MAGI2: variants seen among roughly 807,000 people sequenced by gnomAD.
The protein encoded by MAGI2 is membrane associated guanylate kinase, WW and PDZ domain containing 2, also known as membrane-associated guanylate kinase, WW and PDZ domain-containing protein 2.
MAGI2 carries 35 observed loss-of-function variants against 133.3 expected under a neutral mutation model. The observed-to-expected ratio is 0.26, with a 90% CI of 0.20 to 0.35. MAGI2 has a LOEUF of 0.35. MAGI2 is among the 10% of genes least tolerant of loss of function. The probability of loss-of-function intolerance (pLI) is 1.00; values close to 1 mark genes in which losing one functional copy is unlikely to be tolerated. For synonymous variants in MAGI2, 729 were observed against 710.6 expected, an observed-to-expected ratio of 1.03 and a Z score of -0.41; for missense variants, 1,636 against 1,863.4, an observed-to-expected ratio of 0.88 and a Z score of 2.25.
chr7:78,553,492 G>A (rs866464430), intron 3 of MAGI2, among the ~76,000 whole-genome samples: 22 of 152,214 alleles, frequency 1.4e-4, no homozygotes, highest in African/African-American at 5.1e-4. Context: ...TGTTACTGGT[G>A]AAGGAAGACT....
rs767332496 is a variant in MAGI2 at position 79,399,095 on chromosome 7, C to CTTTTTTTTTTTT, written c.301+53913_301+53924dup. ...GTATTATTTCTTTTTTTTTTCTTTT[C>CTTTTTTTTTTTT]TTTTTTTTTTTTTTTGGGAGATGGA... On this transcript the variant is annotated intron_variant, in intron 1 of 21. Coordinates refer to ENST00000354212, the MANE Select transcript of MAGI2 (RefSeq NM_012301.4). Among the ~76,000 whole-genome samples the CTTTTTTTTTTTT allele has an allele frequency of 2.5e-4, 27 of 106,266 alleles. 1 individual carries two copies. The highest frequency in any genetic ancestry group is 7.1e-4 in the South Asian group (2 of 2,822). The allele number at this position is 106,266 out of a possible 152,430, so 69.7% of individuals were successfully genotyped here. A position where few individuals can be genotyped will look rare whatever the true frequency, so the allele number is the denominator to read the frequency against.
chr7:79,313,093 C>G (rs1488071286), intron 1 of MAGI2, among the ~76,000 whole-genome samples: 3 of 152,066 alleles, frequency 2.0e-5, no homozygotes, highest in African/African-American at 7.2e-5. Context: ...TTCCCTCTCC[C>G]TACTTTAAAG....
intron 1 of MAGI2, among the ~76,000 whole-genome samples, chr7:79,269,535 T>C (rs1834721741): frequency 6.6e-6 from 1 of 152,168 alleles, no homozygotes; most frequent in African/African-American, 2.4e-5. Flanking sequence ...GCTTATCACC[T>C]TTTCAAAATA....
intron 6 of MAGI2, among the ~76,000 whole-genome samples, chr7:78,437,475 T>C (rs1295994611): frequency 1.3e-5 from 2 of 152,192 alleles, no homozygotes; most frequent in Non-Finnish European, 2.9e-5. Flanking sequence ...CAGAAAAGAC[T>C]CAGTTTGAAA....
intron 9 of MAGI2, among the ~76,000 whole-genome samples, chr7:78,311,674 A>T (rs1798715988): frequency 6.6e-6 from 1 of 152,170 alleles, no homozygotes; most frequent in Admixed American, 6.5e-5. Context: ...CAATAGAGAT[A>T]AAATATCTTT....
intron 1 of MAGI2, among the ~76,000 whole-genome samples, chr7:79,221,740 T>C (rs1585240519): frequency 6.6e-6 from 1 of 152,026 alleles, no homozygotes; most frequent in Non-Finnish European, 1.5e-5. Flanking sequence ...AATAGGTATG[T>C]TATGAAAACT....
chr7:78,513,877 T>G (rs900888098), intron 4 of MAGI2, among the ~76,000 whole-genome samples: 19 of 151,700 alleles, frequency 1.3e-4, no homozygotes, highest in Admixed American at 6.6e-4. Context: ...TCAGCTGAGG[T>G]CAGGAGTTGG....
chr7:79,280,877 A>G (rs1694981680), intron 1 of MAGI2, among the ~76,000 whole-genome samples: 1 of 137,950 alleles, frequency 7.2e-6, no homozygotes, highest in Admixed American at 7.8e-5. Context: ...GTGAGCTATG[A>G]TCATGCCACC....
At position 78,195,188 on chromosome 7, in the gene MAGI2, C is replaced by T. The variant is rs149002732; in HGVS notation, c.2080-125G>A. On this transcript the variant is annotated intron_variant, in intron 11 of 21. Transcript: ENST00000354212. The stretch of plus-strand genomic sequence containing the variant: ...TTCCAGGGGATGGGTAAAACTTTGG[C>T]ATAAATTCCTTGAAAGAAAAGATTT... 16 of 668,598 alleles carry T rather than the reference C, an allele frequency of 2.4e-5. No homozygotes were observed. In the East Asian group the frequency reaches 4.8e-4, roughly 20 times the overall value. The allele number at this position is 668,598 out of a possible 1,614,324, so 41.4% of individuals were successfully genotyped here.
intron 1 of MAGI2, among the ~76,000 whole-genome samples, chr7:79,129,020 A>G (rs1820679589): frequency 6.6e-6 from 1 of 151,936 alleles, no homozygotes; most frequent in African/African-American, 2.4e-5. Context: ...ACAGGCAGGC[A>G]CCACCACGCT....
intron 1 of MAGI2, among the ~76,000 whole-genome samples, chr7:79,246,023 C>T (rs77469563): frequency 0.037 from 5,613 of 152,258 alleles, 161 homozygotes; most frequent in African/African-American, 0.072. Flanking sequence ...TCCAAGACCA[C>T]CAGGGCAGTA....
chr7:78,957,544 A>G (rs1433171960), intron 2 of MAGI2, among the ~76,000 whole-genome samples: 1 of 152,164 alleles, frequency 6.6e-6, no homozygotes, highest in East Asian at 1.9e-4. Context: ...CATACATAAA[A>G]TGACAGTTAT....
chr7:78,597,264 A>G (rs1804706185), intron 3 of MAGI2, among the ~76,000 whole-genome samples: 1 of 152,072 alleles, frequency 6.6e-6, no homozygotes, highest in Non-Finnish European at 1.5e-5. Context: ...AATTTGAGAA[A>G]TGCCTATTTA....
chr7:79,019,698 C>T (rs974389048), intron 1 of MAGI2, among the ~76,000 whole-genome samples: 9 of 152,068 alleles, frequency 5.9e-5, no homozygotes, highest in African/African-American at 2.2e-4. Context: ...GTGTGAACTA[C>T]TATGCCTGGC....
intron 3 of MAGI2, among the ~76,000 whole-genome samples, chr7:78,609,016 A>C (rs1178576031): frequency 6.6e-6 from 1 of 152,180 alleles, no homozygotes; most frequent in African/African-American, 2.4e-5. Context: ...CTTGGAGTCC[A>C]ATGTTTGAGG....
At chr7:79,336,691 G>GTA (rs1840460758) in intron 1 of MAGI2, among the ~76,000 whole-genome samples, 1 of 152,004 alleles carries the variant, frequency 6.6e-6, no homozygotes, top group Non-Finnish European at 1.5e-5. Context: ...GCCTGTAAGT[G>GTA]AGATTATATA....
chr7:79,138,946 A>C (rs1204188376), intron 1 of MAGI2, among the ~76,000 whole-genome samples: 1 of 143,954 alleles, frequency 6.9e-6, no homozygotes, highest in Admixed American at 7.3e-5. Flanking sequence ...ACTGCATTCC[A>C]GCCTGGATGA....
chr7:78,296,304 C>T (rs545973785), intron 9 of MAGI2, among the ~76,000 whole-genome samples: 1 of 152,178 alleles, frequency 6.6e-6, no homozygotes, highest in Non-Finnish European at 1.5e-5. Flanking sequence ...AATTCATGTT[C>T]CCTAACCAGC....
At chr7:78,130,381 A>C (rs1208858374) in intron 18 of MAGI2, among the ~76,000 whole-genome samples, 4 of 152,204 alleles carry the variant, frequency 2.6e-5, no homozygotes, top group Admixed American at 2.6e-4. Context: ...CTAACATGGG[A>C]ACGGGCTGAA....
Sources: allele counts gnomAD v4.1 joint callset (sites outside exome capture counted in the v4.1 genomes callset), GRCh38; gene constraint gnomAD v4.1.1; transcripts MANE v1.5; gene names NCBI Gene and HGNC (gene_info 2026-07-23, HGNC 2026-07-21).